Variants in THOC2 observed in about 807,000 individuals in gnomAD.
THOC2 encodes THO complex subunit 2, also known as THO complex 2.
In THOC2, 10 loss-of-function variants were observed where a neutral mutation model predicts 128.4. The ratio of observed to expected loss-of-function variants is 0.08; its 90% CI spans 0.05 to 0.13. The LOEUF (loss-of-function observed/expected upper bound fraction) is 0.13, where lower values mean the gene tolerates loss of function less well. Among genes scored for constraint, THOC2 ranks in the 10% least tolerant of loss-of-function variants. The pLI is 1.00. For synonymous variants in THOC2, 393 were observed against 396.9 expected (o/e 0.99, Z 0.12); for missense variants, 535 against 1,155.7 (o/e 0.46, Z 7.79).
At chrX:123,692,250 G>GT (rs1294317746) in intron 7 of THOC2, among the ~76,000 whole-genome samples, 1 of 111,396 alleles carries the variant, frequency 9.0e-6, no homozygotes, top group African/African-American at 3.3e-5. Context: ...TCTAAAAGAT[G>GT]TTTTTTTGCC....
intron 1 of THOC2, among the ~76,000 whole-genome samples, chrX:123,721,593 C>A (rs2051700081): frequency 9.3e-6 from 1 of 107,455 alleles, no homozygotes; most frequent in Non-Finnish European, 1.9e-5. Flanking sequence ...CAAGACCAGT[C>A]TGACCAAATG....
chrX:123,636,638 G>C (rs959110361), intron 18 of THOC2, among the ~76,000 whole-genome samples: 1 of 111,329 alleles, frequency 9.0e-6, no homozygotes, highest in African/African-American at 3.3e-5. Context: ...TTTTATCTTG[G>C]AACATGCTAC....
intron 38 of THOC2, chrX:123,601,805 A>C (rs1231881919): frequency 8.9e-6 from 1 of 111,994 alleles, no homozygotes; most frequent in Non-Finnish European, 1.9e-5. Context: ...ATAGCTTATT[A>C]AATAGAAAAT....
chrX:123,628,016 AT>A, intron 22 of THOC2, 48 bp from the exon 23 acceptor site: 1 of 1,003,439 alleles, frequency 1.0e-6, no homozygotes. Flanking sequence ...ACACAACATA[AT>A]TTATAGCTTT....
At position 123,636,274 on chromosome X, in the gene THOC2, G is replaced by A. The variant is rs1603255589; in HGVS notation, c.1922-99C>T. The A allele has an allele frequency of 3.1e-5, 18 of 580,573 alleles. No homozygotes were observed. The East Asian group carries it at 5.9e-4, about 19-fold the overall frequency. The allele number at this position is 580,573 out of a possible 1,213,427, so 47.8% of individuals were successfully genotyped here. A position where few individuals can be genotyped will look rare whatever the true frequency, so the allele number is the denominator to read the frequency against. On this transcript the variant is annotated intron_variant, in intron 18 of 38. Transcript: ENST00000245838. ...AAAACAAAATGAGGTAGCAATAATT[G>A]TATTGCTGATGCTGTTGAATGGAGC...
At chrX:123,680,333 A>C (rs2147851272) in intron 8 of THOC2, among the ~76,000 whole-genome samples, 1 of 111,447 alleles carries the variant, frequency 9.0e-6, no homozygotes, top group Non-Finnish European at 1.9e-5. Context: ...CACAATACTT[A>C]ATTCTTTACC....
intron 1 of THOC2, among the ~76,000 whole-genome samples, chrX:123,730,572 T>G (rs894715118): frequency 8.9e-6 from 1 of 112,370 alleles, no homozygotes; most frequent in African/African-American, 3.2e-5. Flanking sequence ...TAAAATTCCA[T>G]TTTATCTAAG....
chrX:123,660,060 T>C (rs979222501), intron 12 of THOC2, among the ~76,000 whole-genome samples: 1 of 112,076 alleles, frequency 8.9e-6, no homozygotes, highest in South Asian at 3.7e-4. Flanking sequence ...AACCTAGTAA[T>C]GAGAAAACGC....
At chrX:123,614,276 G>T in intron 33 of THOC2, 87 bp from the exon 34 acceptor site, 1 of 804,662 alleles carries the variant, frequency 1.2e-6, no homozygotes, top group Non-Finnish European at 1.7e-6. Context: ...ACACAATTGG[G>T]AATTATACCC....
intron 12 of THOC2, among the ~76,000 whole-genome samples, chrX:123,646,825 A>C (rs2048144475): frequency 9.0e-6 from 1 of 111,602 alleles, no homozygotes; most frequent in South Asian, 3.8e-4. Context: ...TAGCACACAC[A>C]TAATTCTGGT....
intron 20 of THOC2, 135 bp from the exon 21 acceptor site, chrX:123,633,175 A>G: frequency 2.5e-6 from 1 of 402,185 alleles, no homozygotes; most frequent in Non-Finnish European, 4.2e-6. Context: ...CCCTTACACA[A>G]ATTTATTTCA....
intron 8 of THOC2, among the ~76,000 whole-genome samples, chrX:123,677,448 T>G (rs1603296449): frequency 8.9e-6 from 1 of 112,292 alleles, no homozygotes; most frequent in East Asian, 3.0e-4. Flanking sequence ...TCTTACCTTA[T>G]AAGTTTTTTA....
intron 8 of THOC2, among the ~76,000 whole-genome samples, chrX:123,679,684 G>A (rs749032042): frequency 8.9e-6 from 1 of 112,010 alleles, no homozygotes; most frequent in East Asian, 2.8e-4. Flanking sequence ...TTGTTACTGC[G>A]TCTGTGTAGA....
chrX:123,617,673 A>G (rs1214664995), intron 33 of THOC2, among the ~76,000 whole-genome samples: 3 of 111,916 alleles, frequency 2.7e-5, no homozygotes, highest in Non-Finnish European at 1.9e-5. Flanking sequence ...GAGATAGTAC[A>G]TATATTCAAA....
intron 21 of THOC2, 71 bp from the exon 22 acceptor site, chrX:123,631,923 T>C (rs1175321019): frequency 4.0e-6 from 4 of 1,004,088 alleles, no homozygotes; most frequent in Non-Finnish European, 5.4e-6. Context: ...AGGAATATTT[T>C]AACAATTAAG....
At chrX:123,611,953 T>C (rs1482670520) in intron 36 of THOC2, among the ~76,000 whole-genome samples, 1 of 108,969 alleles carries the variant, frequency 9.2e-6, no homozygotes, top group East Asian at 2.8e-4. Context: ...AAAATGCAAA[T>C]CAAAACCACA....
chrX:123,628,206 T>C (rs112797924), intron 22 of THOC2, among the ~76,000 whole-genome samples: 73 of 111,791 alleles, frequency 6.5e-4, no homozygotes, highest in African/African-American at 2.1e-3. Context: ...AGAGGGTTCT[T>C]ATCTAATCTG....
chrX:123,655,355 C>CA (rs1266469995), intron 12 of THOC2, among the ~76,000 whole-genome samples: 1 of 110,815 alleles, frequency 9.0e-6, no homozygotes, highest in Non-Finnish European at 1.9e-5. Flanking sequence ...TAATAGCTGA[C>CA]AAAAAAACAA....
intron 12 of THOC2, among the ~76,000 whole-genome samples, chrX:123,652,639 TAGAG>T (rs1007097410): frequency 1.8e-5 from 2 of 108,212 alleles, no homozygotes; most frequent in African/African-American, 6.6e-5. Context: ...ACACCAATAA[TAGAG>T]AGCCAAATCA....
Sources: allele counts gnomAD v4.1 joint callset (sites outside exome capture counted in the v4.1 genomes callset), GRCh38; gene constraint gnomAD v4.1.1; transcripts MANE v1.5; gene names NCBI Gene and HGNC (gene_info 2026-07-23, HGNC 2026-07-21).